SECISBP2: variants seen among roughly 807,000 people sequenced by gnomAD.
SECISBP2 encodes the protein SECIS binding protein 2, also known as selenocysteine insertion sequence-binding protein 2.
In SECISBP2, 96 loss-of-function variants were observed where a neutral mutation model predicts 98.2. The ratio of observed to expected loss-of-function variants is 0.98; its 90% CI spans 0.83 to 1.16. The LOEUF is 1.16. SECISBP2 is among the 50% of genes most tolerant of loss of function. The probability of loss-of-function intolerance (pLI) is 0.00; values close to 1 mark genes in which losing one functional copy is unlikely to be tolerated. For missense variants in SECISBP2, 1,046 were observed against 1,022.9 expected, an observed-to-expected ratio of 1.02 and a Z score of -0.31; for synonymous variants, 407 against 370.2, an observed-to-expected ratio of 1.10 and a Z score of -1.14.
chr9:89,325,892 T>G lies in SECISBP2; in HGVS notation c.433-5T>G. ...TTTCATGTTGCTTTTTAATCTTTCC[T>G]GCAGAAGAAAACCTATGATGAGAAA... On this transcript the variant is annotated splice_region_variant and splice_polypyrimidine_tract_variant and intron_variant, in intron 3 of 16. Coordinates refer to ENST00000375807, the MANE Select transcript of SECISBP2 (RefSeq NM_024077.5). 6.2e-7 allele frequency: 1 copy of G among 1,613,918 alleles called. No individual in the cohort carries two copies. Among genetic ancestry groups the G allele is most frequent in the African/African-American group, 1.3e-5 (1 of 75,048 alleles).
intron 10 of SECISBP2, among the ~76,000 whole-genome samples, chr9:89,346,223 T>C (rs552804526): frequency 6.6e-6 from 1 of 152,184 alleles, no homozygotes; most frequent in African/African-American, 2.4e-5. Flanking sequence ...AACTGATTAC[T>C]TGAAATAACT....
chr9:89,327,503 G>A (rs1044419810), intron 4 of SECISBP2, among the ~76,000 whole-genome samples: 1 of 152,034 alleles, frequency 6.6e-6, no homozygotes, highest in Non-Finnish European at 1.5e-5. Context: ...ACTTGGCTTG[G>A]ACAAAAATAT....
intron 1 of SECISBP2, chr9:89,319,049 C>G (rs1825216947): frequency 9.9e-7 from 1 of 1,013,494 alleles, no homozygotes; most frequent in African/African-American, 1.7e-5. Context: ...TTTTTAGACC[C>G]ATAAAATTCT....
intron 11 of SECISBP2, among the ~76,000 whole-genome samples, 159 bp downstream of exon 11, chr9:89,347,207 A>C (rs1301904625): frequency 6.6e-6 from 1 of 151,942 alleles, no homozygotes; most frequent in Non-Finnish European, 1.5e-5. Context: ...ATGATCCCTC[A>C]CCCTCCCAGT....
intron 6 of SECISBP2, 66 bp from the exon 7 acceptor site, chr9:89,334,456 T>C: frequency 7.6e-7 from 1 of 1,323,322 alleles, no homozygotes; most frequent in East Asian, 2.3e-5. Context: ...AATGCATGTT[T>C]GAGTAACTAA....
chr9:89,338,848 A>T (rs1054444516), intron 8 of SECISBP2, among the ~76,000 whole-genome samples: 2 of 151,482 alleles, frequency 1.3e-5, no homozygotes, highest in African/African-American at 4.8e-5. Context: ...TTTGTGTGCC[A>T]TATTACTAAT....
In SECISBP2 at chr9:89,350,868, G is replaced by T. The variant is rs766184794; in HGVS notation, c.2113+16G>T. The T allele has an allele frequency of 1.9e-6, 3 of 1,609,308 alleles. No homozygotes were observed. On this transcript the variant is annotated intron_variant, in intron 14 of 16. Transcript: ENST00000375807. ...CAGTCAAAAGGTAAAGGCACAGTGT[G>T]GTCCTGTGATATGTGGGCCCCTGCA...
chr9:89,357,478 T>G lies in SECISBP2; in HGVS notation c.2181T>G (p.Phe727Leu), dbSNP rs1377979925. Residue 727 changes from phenylalanine to leucine, a missense_variant, in exon 15 of 17, where the codon TTT becomes TTG. Transcript: ENST00000375807. ...GTGAGCAGAACATTCCCTTTGTGTT[T>G]GCTCTCAACCGCAAAGCTCTGGGGC... ...YACEQNIPFV[F>L]ALNRKALGRS... is the part of the protein sequence containing the mutation. 2 of 1,614,238 alleles carry G rather than the reference T, an allele frequency of 1.2e-6. No homozygotes were observed. The highest frequency in any genetic ancestry group is 1.7e-6 in the Non-Finnish European group (2 of 1,180,048).
At position 89,318,512 on chromosome 9, in the gene SECISBP2, T is replaced by G; in HGVS notation, c.-65T>G. The G allele has an allele frequency of 6.7e-7, 1 of 1,487,666 alleles. No homozygotes were observed. Among genetic ancestry groups the G allele is most frequent in the South Asian group, 1.2e-5 (1 of 81,928 alleles). The allele number at this position is 1,487,666 out of a possible 1,614,324, so 92.2% of individuals were successfully genotyped here. The stretch of plus-strand genomic sequence containing the variant: ...CGCCTGCGGGGGCGGAAACGCTTTG[T>G]CTGTCCGGCAAGCCGACGGCCCGCT... On this transcript the variant is annotated 5_prime_UTR_variant, in exon 1 of 17. Transcript: ENST00000375807.
downstream of SECISBP2, chr9:89,362,075 A>G (rs1315905699): frequency 3.9e-6 from 2 of 518,710 alleles, no homozygotes; most frequent in Admixed American, 3.2e-5. Flanking sequence ...AGGAACCTGC[A>G]CACACCCTGC....
intron 2 of SECISBP2, among the ~76,000 whole-genome samples, chr9:89,321,963 A>G (rs960331844): frequency 3.9e-5 from 6 of 152,190 alleles, no homozygotes; most frequent in Admixed American, 2.6e-4. Flanking sequence ...TGAAACAACT[A>G]TTTCCTCCTT....
chr9:89,330,461 C>G (rs979613035), intron 5 of SECISBP2: 1 of 152,208 alleles, frequency 6.6e-6, no homozygotes, highest in African/African-American at 2.4e-5. Context: ...CAGGCCTCAC[C>G]CATTCGCTTT....
chr9:89,360,593 C>G (rs1295296098), downstream of SECISBP2, among the ~76,000 whole-genome samples: 1 of 152,222 alleles, frequency 6.6e-6, no homozygotes, highest in Non-Finnish European at 1.5e-5. Context: ...CATGCAGCTG[C>G]TGAGAGCTTT....
chr9:89,332,702 C>G, intron 5 of SECISBP2: 1 of 588,816 alleles, frequency 1.7e-6, no homozygotes, highest in South Asian at 2.0e-5. Flanking sequence ...AGTGCAGTGG[C>G]TAAATCATAT....
intron 15 of SECISBP2, 104 bp downstream of exon 15, chr9:89,357,669 T>TAGGC (rs1370847976): frequency 7.1e-7 from 1 of 1,405,688 alleles, no homozygotes; most frequent in Non-Finnish European, 1.0e-6. Context: ...GAACCTCCAG[T>TAGGC]AGGCTGTCAT....
intron 10 of SECISBP2, among the ~76,000 whole-genome samples, chr9:89,346,488 C>T (rs1203523267): frequency 6.6e-6 from 1 of 152,002 alleles, no homozygotes; most frequent in Non-Finnish European, 1.5e-5. Context: ...CAACTGGAAA[C>T]GGTGGTGGAG....
chr9:89,343,665 G>A lies in SECISBP2; in HGVS notation c.1435+2186G>A, dbSNP rs1267588444. Among the ~76,000 whole-genome samples the A allele has an allele frequency of 7.2e-5, 11 of 152,158 alleles. No individual in the cohort carries two copies. The South Asian group carries it at 8.3e-4, about 11-fold the overall frequency. On this transcript the variant is annotated intron_variant, in intron 10 of 16. Coordinates refer to ENST00000375807, the MANE Select transcript of SECISBP2 (RefSeq NM_024077.5). ...CTCCATCCACGTTCCTACAAAGGAC[G>A]TGGTCTCATTCTCTTTTATGACTGC...
At chr9:89,344,885 T>G (rs1830207470) in intron 10 of SECISBP2, among the ~76,000 whole-genome samples, 1 of 152,216 alleles carries the variant, frequency 6.6e-6, no homozygotes, top group Non-Finnish European at 1.5e-5. Flanking sequence ...AGCCATATCT[T>G]TTAAAGAAGA....
At chr9:89,365,681 C>A in the SECISBP2 span, 5 of 152,350 alleles carry the variant, frequency 3.3e-5, no homozygotes, top group South Asian at 6.2e-4. Context: ...GTCCAAAGTA[C>A]CTGCACACAC....
Sources: gnomAD v4.1 joint callset for allele counts (sites outside exome capture counted in the v4.1 genomes callset) on GRCh38, gnomAD v4.1.1 for gene constraint, MANE v1.5 for transcripts, NCBI Gene and HGNC (gene_info 2026-07-23, HGNC 2026-07-21) for gene names.